Variants in XPR1 observed in about 807,000 individuals in gnomAD.
The protein encoded by XPR1 is xenotropic and polytropic retrovirus receptor 1.
XPR1 carries 28 observed loss-of-function variants against 87.5 expected under a neutral mutation model. That is an observed-to-expected ratio of 0.32 (90% confidence interval 0.24 to 0.44). The LOEUF (loss-of-function observed/expected upper bound fraction) is 0.44. Among genes scored for constraint, XPR1 ranks in the 20% least tolerant of loss-of-function variants. The probability of loss-of-function intolerance (pLI) is 1.00; values close to 1 mark genes in which losing one functional copy is unlikely to be tolerated. For missense variants in XPR1, 559 were observed against 862.3 expected (o/e 0.65, Z 4.41); for synonymous variants, 300 against 306.1 (o/e 0.98, Z 0.21).
Position 180,787,778 on chromosome 1 carries a change from G to A in XPR1, c.147G>A (p.Arg49=), listed in dbSNP as rs2102091084. The change falls in exon 3 of 15, where the codon AGG becomes AGA. Residue 49 remains arginine (R), a synonymous_variant. Transcript: ENST00000367590. ...VEVTDEDTVK[R]YFAKFEEKFF... ...TTACAGATGAGGACACAGTAAAGAGGTATTTTGCCAAGTTTGAAGAGAAGT... is the reference window on the plus strand; with the variant it reads ...TTACAGATGAGGACACAGTAAAGAGATATTTTGCCAAGTTTGAAGAGAAGT... 2 of 1,612,960 alleles carry A rather than the reference G, an allele frequency of 1.2e-6. No homozygotes were observed. The highest frequency in any genetic ancestry group is 4.5e-5 in the East Asian group (2 of 44,836).
intron 2 of XPR1, among the ~76,000 whole-genome samples, chr1:180,748,284 AC>A (rs1346442132): frequency 6.6e-6 from 1 of 152,054 alleles, no homozygotes; most frequent in Non-Finnish European, 1.5e-5. Flanking sequence ...GTTAAACACA[AC>A]CATTAATAAG....
chr1:180,753,345 G>T (rs1455034455), intron 2 of XPR1, among the ~76,000 whole-genome samples: 1 of 151,986 alleles, frequency 6.6e-6, no homozygotes, highest in African/African-American at 2.4e-5. Flanking sequence ...CTGGCGAATC[G>T]CTTGAACTCG....
chr1:180,672,118 T>G (rs1202570784), intron 1 of XPR1, among the ~76,000 whole-genome samples: 3 of 152,214 alleles, frequency 2.0e-5, no homozygotes, highest in Admixed American at 6.5e-5. Context: ...TCAGAGAATA[T>G]TAGTGCAAAA....
At chr1:180,638,265 A>G (rs1285024913) in intron 1 of XPR1, among the ~76,000 whole-genome samples, 1 of 152,226 alleles carries the variant, frequency 6.6e-6, no homozygotes, top group Non-Finnish European at 1.5e-5. Flanking sequence ...CATTGTACAC[A>G]GATACAGATG....
chr1:180,781,630 C>T (rs1244374081), intron 2 of XPR1, among the ~76,000 whole-genome samples: 1 of 149,182 alleles, frequency 6.7e-6, no homozygotes, highest in African/African-American at 2.5e-5. Flanking sequence ...GTTTTATTTT[C>T]CCTTCACTCC....
At chr1:180,836,475 A>G in intron 10 of XPR1, 47 bp from the exon 11 acceptor site, 1 of 1,608,178 alleles carries the variant, frequency 6.2e-7, no homozygotes, top group Non-Finnish European at 8.5e-7. Context: ...GATGTGAACA[A>G]GTTACTTTTT....
At chr1:180,639,572 CAT>C (rs1654900492) in intron 1 of XPR1, among the ~76,000 whole-genome samples, 1 of 152,046 alleles carries the variant, frequency 6.6e-6, no homozygotes, top group African/African-American at 2.4e-5. Context: ...GAAATTTAAT[CAT>C]AGAGAAAAGT....
chr1:180,876,850 C>G (rs530322001), intron 13 of XPR1, among the ~76,000 whole-genome samples: 1 of 152,154 alleles, frequency 6.6e-6, no homozygotes, highest in African/African-American at 2.4e-5. Flanking sequence ...GTCTGCTGTT[C>G]CCACTTTTAT....
chr1:180,786,973 A>G (rs1467682420), intron 2 of XPR1, among the ~76,000 whole-genome samples: 2 of 152,218 alleles, frequency 1.3e-5, no homozygotes, highest in Admixed American at 6.5e-5. Flanking sequence ...AAGTAAAAAT[A>G]AATAGCCATT....
chr1:180,860,921 GAA>G (rs1329293100), intron 11 of XPR1, among the ~76,000 whole-genome samples: 1 of 151,924 alleles, frequency 6.6e-6, no homozygotes, highest in Non-Finnish European at 1.5e-5. Context: ...AGAAATACCA[GAA>G]AATTAGCACA....
chr1:180,872,774 C>G (rs980419804), intron 12 of XPR1, among the ~76,000 whole-genome samples: 2 of 151,348 alleles, frequency 1.3e-5, no homozygotes, highest in African/African-American at 4.9e-5. Context: ...AATCACCCGT[C>G]TTCTGCGTCG....
chr1:180,754,087 A>G (rs1647632517), intron 2 of XPR1, among the ~76,000 whole-genome samples: 1 of 152,170 alleles, frequency 6.6e-6, no homozygotes, highest in South Asian at 2.1e-4. Flanking sequence ...TTGTTCAACT[A>G]TCATATCACC....
At chr1:180,645,692 G>T (rs1169883300) in intron 1 of XPR1, among the ~76,000 whole-genome samples, 2 of 152,194 alleles carry the variant, frequency 1.3e-5, no homozygotes, top group Non-Finnish European at 2.9e-5. Context: ...TCACAGAGCT[G>T]TGCAAACAGA....
At chr1:180,877,755 C>A (rs1652708921) in intron 13 of XPR1, among the ~76,000 whole-genome samples, 1 of 151,168 alleles carries the variant, frequency 6.6e-6, no homozygotes. Flanking sequence ...AAAAAAAAGG[C>A]AAATTAGCCA....
At chr1:180,771,735 C>T (rs1309216212) in intron 2 of XPR1, among the ~76,000 whole-genome samples, 2 of 152,124 alleles carry the variant, frequency 1.3e-5, no homozygotes, top group African/African-American at 4.8e-5. Flanking sequence ...TCAGGTTGTG[C>T]CTTTTTGTCA....
At chr1:180,776,254 T>A (rs955841774) in intron 2 of XPR1, among the ~76,000 whole-genome samples, 1 of 152,172 alleles carries the variant, frequency 6.6e-6, no homozygotes, top group Non-Finnish European at 1.5e-5. Flanking sequence ...TTGACATTGC[T>A]GCAACAAACT....
intron 7 of XPR1, among the ~76,000 whole-genome samples, chr1:180,819,345 C>T (rs1251990824): frequency 1.3e-5 from 2 of 152,162 alleles, no homozygotes; most frequent in Non-Finnish European, 2.9e-5. Flanking sequence ...TATTGTTTTA[C>T]AGAGGTCCTT....
chr1:180,717,070 A>G (rs761692831), intron 2 of XPR1, among the ~76,000 whole-genome samples: 3 of 152,082 alleles, frequency 2.0e-5, no homozygotes, highest in African/African-American at 7.2e-5. Flanking sequence ...TCAGCTCACT[A>G]CAACCTCTGC....
Position 180,825,729 on chromosome 1 carries a change from C to T in XPR1, c.1134+385C>T, listed in dbSNP as rs547664237. ...TGTTCTCTAAAAGCAGTAGGAATAT[C>T]TTACCAGATTATCAAGTTTAATTTG... On this transcript the variant is annotated intron_variant, in intron 9 of 14. Transcript: ENST00000367590. Among the ~76,000 whole-genome samples the T allele has an allele frequency of 3.3e-5, 5 of 152,292 alleles. No homozygotes were observed. The East Asian group carries it at 9.6e-4, about 29-fold the overall frequency.
Sources: gnomAD v4.1 joint callset for allele counts (sites outside exome capture counted in the v4.1 genomes callset) on GRCh38, gnomAD v4.1.1 for gene constraint, MANE v1.5 for transcripts, NCBI Gene and HGNC (gene_info 2026-07-23, HGNC 2026-07-21) for gene names.